The following KCNH1 variants were observed in gnomAD, a reference collection of about 807,000 sequenced individuals.
The protein encoded by KCNH1 is potassium voltage-gated channel subfamily H member 1.
Under a neutral mutation model 69.2 loss-of-function variants are expected in KCNH1, and 27 were observed. The observed-to-expected ratio is 0.39, with a 90% CI of 0.29 to 0.54. The LOEUF is 0.54. Among genes scored for constraint, KCNH1 ranks in the 20% least tolerant of loss-of-function variants. The probability of loss-of-function intolerance (pLI) is 0.68; values close to 1 mark genes in which losing one functional copy is unlikely to be tolerated. For synonymous variants in KCNH1, 456 were observed against 487.7 expected (o/e 0.93, Z 0.86); for missense variants, 798 against 1,261.6 (o/e 0.63, Z 5.57).
chr1:210,937,992 A>G (rs1687804305), intron 6 of KCNH1, among the ~76,000 whole-genome samples: 1 of 152,168 alleles, frequency 6.6e-6, no homozygotes. Flanking sequence ...CTACCTTTTC[A>G]ATCCAGGCAT....
chr1:210,705,775 T>A (rs535461234), intron 10 of KCNH1, among the ~76,000 whole-genome samples: 1 of 152,198 alleles, frequency 6.6e-6, no homozygotes, highest in African/African-American at 2.4e-5. Context: ...CCTCTTGTGA[T>A]CAGCCATCTC....
intron 5 of KCNH1, among the ~76,000 whole-genome samples, chr1:211,025,653 G>C (rs989628246): frequency 2.4e-4 from 37 of 152,034 alleles, no homozygotes; most frequent in Non-Finnish European, 1.2e-4. Context: ...GGAACACCAA[G>C]CTCTGTGTTA....
intron 6 of KCNH1, among the ~76,000 whole-genome samples, chr1:210,969,664 A>G (rs573896737): frequency 6.6e-6 from 1 of 152,040 alleles, no homozygotes; most frequent in Non-Finnish European, 1.5e-5. Flanking sequence ...CTTCTCACCA[A>G]AGTTTTATCA....
intron 7 of KCNH1, among the ~76,000 whole-genome samples, chr1:210,832,549 T>C (rs114328205): frequency 1.4e-3 from 218 of 152,176 alleles, no homozygotes; most frequent in African/African-American, 5.0e-3. Context: ...TAAACACAAA[T>C]ATTTTAAAAG....
chr1:210,948,270 G>A (rs1360994427), intron 6 of KCNH1, among the ~76,000 whole-genome samples: 1 of 151,546 alleles, frequency 6.6e-6, no homozygotes, highest in Admixed American at 6.6e-5. Context: ...AGAAATACAT[G>A]CTCATTAAAA....
chr1:210,682,579 TG>T lies in KCNH1; in HGVS notation c.*701del, dbSNP rs1210493599. On this transcript the variant is annotated 3_prime_UTR_variant, in exon 11 of 11. Coordinates refer to ENST00000271751, the MANE Select transcript of KCNH1 (RefSeq NM_172362.3). ...TATGGGTTGCACCGCAGAGAACCCC[TG>T]GATCTTAAGGGCCCCTCTCCAGCTC... 1 of 152,508 alleles carries T rather than the reference TG, an allele frequency of 6.6e-6. No individual in the cohort carries two copies. The highest frequency in any genetic ancestry group is 1.5e-5 in the Non-Finnish European group (1 of 68,326). The allele number at this position is 152,508 out of a possible 1,614,324, so 9.4% of individuals were successfully genotyped here. A position where few individuals can be genotyped will look rare whatever the true frequency, so the allele number is the denominator to read the frequency against.
chr1:210,878,846 T>A (rs190832196), intron 7 of KCNH1, among the ~76,000 whole-genome samples: 6 of 151,942 alleles, frequency 3.9e-5, no homozygotes, highest in African/African-American at 1.4e-4. Context: ...CCAAAAGCTG[T>A]TTTTTTGAAA....
intron 10 of KCNH1, among the ~76,000 whole-genome samples, chr1:210,712,854 T>C (rs1682112141): frequency 6.6e-6 from 1 of 152,134 alleles, no homozygotes; most frequent in Non-Finnish European, 1.5e-5. Flanking sequence ...GTCTATCAGC[T>C]CCAGGTCCAG....
chr1:211,068,319 T>C (rs1333424669), intron 5 of KCNH1, among the ~76,000 whole-genome samples: 3 of 152,324 alleles, frequency 2.0e-5, no homozygotes, highest in East Asian at 1.9e-4. Context: ...CAATTTCCAA[T>C]ACGTCATGTA....
At chr1:210,902,857 C>T (rs937329740) in intron 7 of KCNH1, among the ~76,000 whole-genome samples, 2 of 152,164 alleles carry the variant, frequency 1.3e-5, no homozygotes. Context: ...GTCATGTCTG[C>T]GTTTCATCTT....
intron 10 of KCNH1, among the ~76,000 whole-genome samples, chr1:210,738,444 C>T (rs1046064919): frequency 1.6e-4 from 24 of 151,292 alleles, no homozygotes; most frequent in African/African-American, 5.6e-4. Flanking sequence ...TCGATGTTCT[C>T]TTCTGGGTCT....
At chr1:211,036,842 C>A (rs955593041) in intron 5 of KCNH1, among the ~76,000 whole-genome samples, 1 of 152,150 alleles carries the variant, frequency 6.6e-6, no homozygotes, top group South Asian at 2.1e-4. Context: ...TCCTATTCCC[C>A]CAGTCAGACT....
intron 6 of KCNH1, among the ~76,000 whole-genome samples, chr1:210,960,395 A>G (rs148008703): frequency 2.0e-5 from 3 of 152,134 alleles, no homozygotes; most frequent in Middle Eastern, 6.8e-3. Flanking sequence ...TGTTCCCCTC[A>G]CCACTTTGTA....
At chr1:211,089,904 G>A (rs1221084407) in intron 4 of KCNH1, among the ~76,000 whole-genome samples, 1 of 152,198 alleles carries the variant, frequency 6.6e-6, no homozygotes, top group Non-Finnish European at 1.5e-5. Context: ...GACCTCTTCA[G>A]GGGTACGGTT....
intron 3 of KCNH1, among the ~76,000 whole-genome samples, chr1:211,095,023 G>T (rs1246991427): frequency 6.6e-6 from 1 of 152,096 alleles, no homozygotes; most frequent in Non-Finnish European, 1.5e-5. Context: ...GTATCCTTTG[G>T]CTCCATTCAG....
chr1:210,980,472 CA>C (rs1420089817), intron 6 of KCNH1, among the ~76,000 whole-genome samples: 1 of 152,094 alleles, frequency 6.6e-6, no homozygotes, highest in African/African-American at 2.4e-5. Flanking sequence ...TAACAGGAAA[CA>C]ATCAATCTAG....
At chr1:210,992,463 A>G (rs1341729101) in intron 6 of KCNH1, among the ~76,000 whole-genome samples, 2 of 152,226 alleles carry the variant, frequency 1.3e-5, no homozygotes, top group Non-Finnish European at 2.9e-5. Flanking sequence ...GTGCTATTTA[A>G]TCAATCACTG....
chr1:210,737,545 T>C (rs1440235245), intron 10 of KCNH1, among the ~76,000 whole-genome samples: 1 of 152,238 alleles, frequency 6.6e-6, no homozygotes, highest in African/African-American at 2.4e-5. Flanking sequence ...ATTTAAATAC[T>C]ATCAATAGGC....
chr1:210,903,723 T>C lies in KCNH1; in HGVS notation c.1462+15917A>G, dbSNP rs1016643902. Among the ~76,000 whole-genome samples the C allele has an allele frequency of 2.6e-5, 4 of 152,200 alleles. 1 individual carries two copies. The East Asian group carries it at 7.7e-4, about 29-fold the overall frequency. On this transcript the variant is annotated intron_variant, in intron 7 of 10. Transcript: ENST00000271751. ...AGTCACCTCTCAATGTTTTCTCCAC[T>C]AAAGACCTCTCTGGAAAGTCCTGGA... is the stretch of plus-strand genomic sequence containing the variant.
Sources: gnomAD v4.1 joint callset for allele counts (sites outside exome capture counted in the v4.1 genomes callset) on GRCh38, gnomAD v4.1.1 for gene constraint, MANE v1.5 for transcripts, NCBI Gene and HGNC (gene_info 2026-07-23, HGNC 2026-07-21) for gene names.